NXNL2: variants seen among roughly 807,000 people sequenced by gnomAD.
NXNL2 encodes the protein nucleoredoxin like 2.
In NXNL2, 7 loss-of-function variants were observed where a neutral mutation model predicts 11.1. The observed-to-expected ratio is 0.63, with a 90% CI of 0.36 to 1.18. The LOEUF is 1.18. Among genes scored for constraint, NXNL2 ranks in the 50% most tolerant of loss-of-function variants. The pLI, the probability that NXNL2 is intolerant of heterozygous loss-of-function variation, is 0.02. For missense variants in NXNL2, 233 were observed against 217.7 expected (o/e 1.07, Z -0.44); for synonymous variants, 109 against 101.8 (o/e 1.07, Z -0.42).
intron 1 of NXNL2, among the ~76,000 whole-genome samples, chr9:88,567,483 A>G (rs1830193505): frequency 1.3e-5 from 2 of 152,206 alleles, no homozygotes; most frequent in African/African-American, 4.8e-5. Context: ...TGGGTATACT[A>G]TAATTTATTC....
At chr9:88,560,832 T>A (rs1830076594) in intron 1 of NXNL2, among the ~76,000 whole-genome samples, 1 of 151,912 alleles carries the variant, frequency 6.6e-6, no homozygotes, top group Non-Finnish European at 1.5e-5. Flanking sequence ...AGCATCACAG[T>A]GTAGAGAGGA....
At chr9:88,544,355 C>T (rs991626951) in intron 1 of NXNL2, 24 bp from the exon 2 acceptor site, 11 of 1,541,374 alleles carry the variant, frequency 7.1e-6, no homozygotes, top group African/African-American at 1.4e-5. Flanking sequence ...GTGCTAACTT[C>T]GGTACCACTC....
intron 1 of NXNL2, among the ~76,000 whole-genome samples, chr9:88,566,722 A>G (rs1237421440): frequency 6.6e-6 from 1 of 152,080 alleles, no homozygotes; most frequent in East Asian, 1.9e-4. Context: ...ATTCTTTTGC[A>G]TGTTTCATTC....
chr9:88,581,602 A>G (rs932613096), intron 1 of NXNL2, among the ~76,000 whole-genome samples: 1 of 152,106 alleles, frequency 6.6e-6, no homozygotes, highest in Non-Finnish European at 1.5e-5. Flanking sequence ...ATGCGCCTGC[A>G]TGTGCCACCA....
At chr9:88,583,038 T>A (rs1272221789) in intron 1 of NXNL2, among the ~76,000 whole-genome samples, 1 of 152,178 alleles carries the variant, frequency 6.6e-6, no homozygotes, top group Non-Finnish European at 1.5e-5. Flanking sequence ...TTGGGCCAGC[T>A]TGATGGTCTC....
At chr9:88,541,856 T>A (rs913676640) in intron 1 of NXNL2, among the ~76,000 whole-genome samples, 6 of 152,258 alleles carry the variant, frequency 3.9e-5, no homozygotes, top group Admixed American at 1.3e-4. Context: ...TATTCCATAT[T>A]GTTTTGTTTT....
intron 1 of NXNL2, among the ~76,000 whole-genome samples, chr9:88,570,829 G>A (rs891742409): frequency 1.3e-5 from 2 of 151,946 alleles, no homozygotes; most frequent in Admixed American, 1.3e-4. Flanking sequence ...TGAAACTTCC[G>A]CCTCCTGGGT....
intron 1 of NXNL2, among the ~76,000 whole-genome samples, chr9:88,568,257 A>T (rs1274001895): frequency 6.6e-6 from 1 of 152,212 alleles, no homozygotes; most frequent in Non-Finnish European, 1.5e-5. Flanking sequence ...TTTAAATTTA[A>T]ATTTAAATGC....
chr9:88,564,373 T>C (rs1830137534), intron 1 of NXNL2, among the ~76,000 whole-genome samples: 1 of 152,012 alleles, frequency 6.6e-6, no homozygotes, highest in Non-Finnish European at 1.5e-5. Flanking sequence ...TTATCTATCA[T>C]GTATATATGT....
At chr9:88,577,612 G>A (rs1439259021), downstream of NXNL2, among the ~76,000 whole-genome samples, 1 of 93,970 alleles carries the variant, frequency 1.1e-5, no homozygotes, top group African/African-American at 4.3e-5. Flanking sequence ...CTGTGCTTAT[G>A]TGGAGAGAGA....
intron 1 of NXNL2, among the ~76,000 whole-genome samples, chr9:88,554,263 T>C (rs1829983065): frequency 6.6e-6 from 1 of 152,180 alleles, no homozygotes; most frequent in Admixed American, 6.5e-5. Flanking sequence ...GGGAGTGAAG[T>C]GGTGAGATCT....
downstream of NXNL2, among the ~76,000 whole-genome samples, chr9:88,547,931 C>T (rs1254181423): frequency 2.0e-5 from 3 of 151,336 alleles, no homozygotes; most frequent in South Asian, 2.1e-4. Context: ...GCAGCAGAAT[C>T]GCTGAACCCA....
downstream of NXNL2, among the ~76,000 whole-genome samples, chr9:88,579,997 G>A (rs979293695): frequency 1.3e-5 from 2 of 151,966 alleles, no homozygotes; most frequent in East Asian, 1.9e-4. Flanking sequence ...AAAATTAGCC[G>A]GGTGTGGTGG....
chr9:88,561,577 A>T (rs1564073581), intron 1 of NXNL2, among the ~76,000 whole-genome samples: 1 of 152,108 alleles, frequency 6.6e-6, no homozygotes, highest in Non-Finnish European at 1.5e-5. Context: ...ACCAGTCTAC[A>T]CAATAAAAGC....
chr9:88,535,759 C>CG, intron 1 of NXNL2, 23 bp downstream of exon 1: 1 of 1,168,094 alleles, frequency 8.6e-7, no homozygotes. Context: ...CCTGGGGGGG[C>CG]GGGGGCCGCC....
intron 1 of NXNL2, among the ~76,000 whole-genome samples, chr9:88,543,447 G>A (rs751451902): frequency 6.6e-5 from 10 of 151,820 alleles, no homozygotes; most frequent in Non-Finnish European, 1.5e-4. Context: ...TTTAACTTTT[G>A]TAGAGACAAG....
intron 2 of NXNL2, among the ~76,000 whole-genome samples, chr9:88,574,158 G>A (rs1488490993): frequency 6.6e-6 from 1 of 152,114 alleles, no homozygotes; most frequent in African/African-American, 2.4e-5. Context: ...CCCCAGAAAG[G>A]CATATACACA....
chr9:88,574,545 G>A (rs934038419), intron 2 of NXNL2, among the ~76,000 whole-genome samples: 1 of 152,206 alleles, frequency 6.6e-6, no homozygotes, highest in Non-Finnish European at 1.5e-5. Context: ...ATTCTTTTGA[G>A]TTTCTGATTA....
chr9:88,578,631 C>G (rs1830375826), downstream of NXNL2, among the ~76,000 whole-genome samples: 1 of 152,226 alleles, frequency 6.6e-6, no homozygotes, highest in Non-Finnish European at 1.5e-5. Flanking sequence ...CCAGGAGCCG[C>G]CGGCCCGGCC....
Sources: allele counts gnomAD v4.1 joint callset (sites outside exome capture counted in the v4.1 genomes callset), GRCh38; gene constraint gnomAD v4.1.1; transcripts MANE v1.5; gene names NCBI Gene and HGNC (gene_info 2026-07-23, HGNC 2026-07-21).